The following HPSE variants were observed in gnomAD, a reference collection of about 807,000 sequenced individuals.
The protein encoded by HPSE is heparanase.
HPSE carries 48 observed loss-of-function variants against 65.1 expected under a neutral mutation model. That is an observed-to-expected ratio of 0.74 (90% CI 0.58 to 0.94). HPSE has a LOEUF of 0.94. Ranked by LOEUF, HPSE falls within the 40% of genes least tolerant of loss-of-function variation. The pLI is 0.00. For synonymous variants in HPSE, 243 were observed against 260.0 expected (o/e 0.93, Z 0.63); for missense variants, 644 against 637.5 (o/e 1.01, Z -0.11).
At chr4:83,305,026 CAAATA>C (rs1415925414) in intron 9 of HPSE, among the ~76,000 whole-genome samples, 2 of 152,116 alleles carry the variant, frequency 1.3e-5, no homozygotes, top group East Asian at 1.9e-4. Flanking sequence ...GACTGTCATG[CAAATA>C]AAATAAAGTC....
rs546848104 is a variant in HPSE, at chr4:83,325,645, T to C, written c.228-3281A>G. On this transcript the variant is annotated intron_variant, in intron 1 of 11. Coordinates refer to ENST00000311412, the MANE Select transcript of HPSE (RefSeq NM_001098540.3). ...TGTTCTCATACAATTTGTAGTTTAG[T>C]GATAGATACGAACAAGTAAATAGGC... Among the ~76,000 whole-genome samples, 6 of 152,284 alleles carry C rather than the reference T, an allele frequency of 3.9e-5. No individual in the cohort carries two copies. The East Asian group carries it at 1.2e-3, about 29-fold the overall frequency.
chr4:83,334,886 T>C, upstream of HPSE: 1 of 1,428,962 alleles, frequency 7.0e-7, no homozygotes, highest in Non-Finnish European at 9.1e-7. Flanking sequence ...TCTCCTTTCC[T>C]CCGCCCCGTT....
At chr4:83,325,156 TGTGTGTGTGTG>T (rs1737097786) in intron 1 of HPSE, among the ~76,000 whole-genome samples, 1 of 142,202 alleles carries the variant, frequency 7.0e-6, no homozygotes, top group African/African-American at 3.0e-5. Flanking sequence ...TGTGTGTGTG[TGTGTGTGTGTG>T]TGTGTGTGTG....
chr4:83,325,180 TG>T, intron 1 of HPSE, among the ~76,000 whole-genome samples: 2 of 140,462 alleles, frequency 1.4e-5, no homozygotes, highest in African/African-American at 2.7e-5. Context: ...TGTGTGTGTG[TG>T]TGTTTTGAGA....
intron 11 of HPSE, 21 bp downstream of exon 11, chr4:83,300,939 T>G (rs1408366883): frequency 6.5e-7 from 1 of 1,539,526 alleles, no homozygotes. Flanking sequence ...AAGTTTGGAA[T>G]GAACAAGGAA....
chr4:83,314,264 A>G, intron 3 of HPSE, among the ~76,000 whole-genome samples: 1 of 52,626 alleles, frequency 1.9e-5, no homozygotes, highest in African/African-American at 9.5e-5. Flanking sequence ...TCTCAAAAAA[A>G]AAAACAAAAA....
intron 3 of HPSE, among the ~76,000 whole-genome samples, chr4:83,315,109 T>C (rs1353071269): frequency 1.3e-5 from 2 of 149,692 alleles, no homozygotes; most frequent in Admixed American, 1.3e-4. Context: ...GCCGAGATTG[T>C]GCCACTGCAC....
Position 83,308,831 on chromosome 4 carries a change from G to T in HPSE, c.1091+14C>A. 1 of 1,589,254 alleles carries T rather than the reference G, an allele frequency of 6.3e-7. No homozygotes were observed. The highest frequency in any genetic ancestry group is 8.6e-7 in the Non-Finnish European group (1 of 1,158,048). On this transcript the variant is annotated intron_variant, in intron 8 of 11. Coordinates refer to ENST00000311412, the MANE Select transcript of HPSE (RefSeq NM_001098540.3). ...CTGCACTCTGACCCCTAAGGCCAGC[G>T]CTGCTTCACTCACATAAAGCCAGCT...
chr4:83,320,028 T>TAAA (rs58369674), intron 2 of HPSE, among the ~76,000 whole-genome samples: 2 of 108,008 alleles, frequency 1.9e-5, no homozygotes, highest in African/African-American at 3.6e-5. Context: ...AGACACTGTC[T>TAAA]AAAAAAAAAA....
chr4:83,306,476 C>T (rs554799530), intron 8 of HPSE, among the ~76,000 whole-genome samples, 159 bp from the exon 9 acceptor site: 33 of 152,226 alleles, frequency 2.2e-4, no homozygotes, highest in South Asian at 1.0e-3. Flanking sequence ...AGTGCAGTGG[C>T]GTGATCATAG....
intron 1 of HPSE, among the ~76,000 whole-genome samples, chr4:83,328,425 C>G (rs1737233925): frequency 1.3e-5 from 2 of 152,186 alleles, no homozygotes; most frequent in African/African-American, 4.8e-5. Flanking sequence ...CCATCACATT[C>G]CAGTATGACC....
chr4:83,325,470 C>A (rs770079981), intron 1 of HPSE, among the ~76,000 whole-genome samples: 1 of 152,040 alleles, frequency 6.6e-6, no homozygotes, highest in Non-Finnish European at 1.5e-5. Context: ...CTGGCCTGTG[C>A]GTCTGTTTTA....
At position 83,300,226 on chromosome 4, in the gene HPSE, T is replaced by C. The variant is rs1439674548; in HGVS notation, c.1472+734A>G. On this transcript the variant is annotated intron_variant, in intron 11 of 11. Transcript: ENST00000311412. The stretch of plus-strand genomic sequence containing the variant: ...TACTTAAGAAGTATACTCTAGCTAT[T>C]CTTTTTCTTACTCTAACCAATAAAA... Among the ~76,000 whole-genome samples, 4 of 152,224 alleles carry C rather than the reference T, an allele frequency of 2.6e-5. No homozygotes were observed. In the East Asian group the frequency reaches 7.7e-4, roughly 29 times the overall value.
chr4:83,320,581 A>G (rs911925285), intron 2 of HPSE, among the ~76,000 whole-genome samples: 1 of 151,480 alleles, frequency 6.6e-6, no homozygotes, highest in African/African-American at 2.4e-5. Context: ...AAAAAAAAAG[A>G]AAAAAGAAAA....
At chr4:83,323,849 C>T (rs1417865648) in intron 1 of HPSE, among the ~76,000 whole-genome samples, 7 of 152,120 alleles carry the variant, frequency 4.6e-5, no homozygotes, top group African/African-American at 9.7e-5. Context: ...ATAATCCCTT[C>T]CCTCAAAAAG....
chr4:83,312,840 G>A (rs1239113727), intron 4 of HPSE, among the ~76,000 whole-genome samples: 219 of 13,244 alleles, frequency 0.017, 1 homozygote, highest in Admixed American at 0.098. Flanking sequence ...TACTAAAAAT[G>A]CAAAAAAAAA....
intron 8 of HPSE, 102 bp from the exon 9 acceptor site, chr4:83,306,419 T>C (rs1295526577): frequency 1.7e-6 from 1 of 587,276 alleles, no homozygotes; most frequent in Non-Finnish European, 3.0e-6. Flanking sequence ...ATTTATTTAC[T>C]TATTTATTTA....
At chr4:83,335,045 T>C, upstream of HPSE, 1 of 510,478 alleles carries the variant, frequency 2.0e-6, no homozygotes, top group Non-Finnish European at 3.3e-6. Flanking sequence ...CACGTTCACT[T>C]ACGAAATCAC....
intron 1 of HPSE, among the ~76,000 whole-genome samples, chr4:83,324,483 C>G (rs746771379): frequency 3.9e-5 from 6 of 152,140 alleles, no homozygotes; most frequent in Non-Finnish European, 8.8e-5. Context: ...TTCAGTGATT[C>G]CTCCTCACCA....
Sources: allele counts gnomAD v4.1 joint callset (sites outside exome capture counted in the v4.1 genomes callset), GRCh38; gene constraint gnomAD v4.1.1; transcripts MANE v1.5; gene names NCBI Gene and HGNC (gene_info 2026-07-23, HGNC 2026-07-21).